Variants in PM20D2 observed in about 807,000 individuals in gnomAD.
PM20D2 encodes the protein xaa-Arg dipeptidase.
A neutral mutation model predicts 42.9 loss-of-function variants in PM20D2; 33 were observed. That is an observed-to-expected ratio of 0.77 (90% CI 0.58 to 1.03). The LOEUF is 1.03. PM20D2 is among the 50% of genes least tolerant of loss of function. The probability of loss-of-function intolerance (pLI) is 0.00; values close to 1 mark genes in which losing one functional copy is unlikely to be tolerated. For synonymous variants in PM20D2, 250 were observed against 228.2 expected (o/e 1.10, Z -0.86); for missense variants, 548 against 557.0 (o/e 0.98, Z 0.16).
At chr6:89,101,697 CA>C in the PM20D2 span, among the ~76,000 whole-genome samples, 99,083 of 149,902 alleles carry the variant, frequency 0.66, 33,231 homozygotes, top group East Asian at 0.78. Flanking sequence ...GACTCTGTCT[CA>C]AAAAAAAATA....
chr6:89,137,999 A>G, the PM20D2 span, among the ~76,000 whole-genome samples: 236 of 151,448 alleles, frequency 1.6e-3, 1 homozygote, highest in African/African-American at 5.4e-3. Flanking sequence ...CTGTTCTACA[A>G]TTAATTTTGT....
the PM20D2 span, among the ~76,000 whole-genome samples, chr6:89,110,672 G>A: frequency 6.6e-6 from 1 of 152,130 alleles, no homozygotes; most frequent in Non-Finnish European, 1.5e-5. Flanking sequence ...CTGTGAATCG[G>A]CCTTAGGTTC....
chr6:89,131,536 TAAAAAATAATTA>T, the PM20D2 span, among the ~76,000 whole-genome samples: 1 of 151,676 alleles, frequency 6.6e-6, no homozygotes, highest in Non-Finnish European at 1.5e-5. Context: ...TTTTTTTAAT[TAAAAAATAATTA>T]ATTGAACCTA....
chr6:89,115,088 G>A, the PM20D2 span, among the ~76,000 whole-genome samples: 3 of 151,090 alleles, frequency 2.0e-5, no homozygotes, highest in East Asian at 2.0e-4. Flanking sequence ...GAGCCACCAC[G>A]CCCGGCCACA....
In PM20D2 at chr6:89,153,050, G is replaced by C. The variant is rs377565760; in HGVS notation, c.622G>C (p.Val208Leu). Residue 208 changes from valine to leucine, a missense_variant, in exon 3 of 7, where the codon GTG (valine) becomes CTG (leucine). Physicochemically the swap from Val to Leu is conservative, Grantham distance 32. Transcript: ENST00000275072. ...LPDMAEHDVT[V>L]KYYGKASHSA... Reference sequence around the variant, plus strand: ...TGATTTTTTATTTCCTAGTGTGACTGTGAAATACTATGGAAAAGCATCTCA... The same window carrying C: ...TGATTTTTTATTTCCTAGTGTGACTCTGAAATACTATGGAAAAGCATCTCA... 2.5e-6 allele frequency: 4 copies of C among 1,595,194 alleles called. No individual in the cohort carries two copies. Among genetic ancestry groups the C allele is most frequent in the Non-Finnish European group, 3.4e-6 (4 of 1,169,730 alleles).
the PM20D2 span, among the ~76,000 whole-genome samples, chr6:89,104,379 G>A: frequency 8.6e-5 from 13 of 151,840 alleles, no homozygotes; most frequent in Non-Finnish European, 1.5e-5. Context: ...TGGGATTACA[G>A]GTGCGTGGCT....
At chr6:89,117,041 G>T in the PM20D2 span, among the ~76,000 whole-genome samples, 1 of 151,622 alleles carries the variant, frequency 6.6e-6, no homozygotes. Flanking sequence ...CTCTCCCCCC[G>T]CCCCCAATTT....
the PM20D2 span, among the ~76,000 whole-genome samples, chr6:89,120,603 GC>G: frequency 6.6e-6 from 1 of 152,110 alleles, no homozygotes; most frequent in Non-Finnish European, 1.5e-5. Context: ...GGTGACTCAT[GC>G]CTGTATCCTG....
the PM20D2 span, among the ~76,000 whole-genome samples, chr6:89,137,764 C>G: frequency 6.6e-6 from 1 of 152,226 alleles, no homozygotes; most frequent in South Asian, 2.1e-4. Flanking sequence ...CAGCTGCATA[C>G]TGTTTCCTTA....
the PM20D2 span, chr6:89,107,079 T>C: frequency 7.8e-7 from 1 of 1,283,552 alleles, no homozygotes; most frequent in African/African-American, 1.5e-5. Flanking sequence ...TCTCATAACA[T>C]ATGCTACTGA....
intron 5 of PM20D2, among the ~76,000 whole-genome samples, chr6:89,160,411 G>A (rs964782280): frequency 1.8e-4 from 27 of 152,170 alleles, no homozygotes; most frequent in African/African-American, 6.5e-4. Context: ...GATTGTGTTT[G>A]GAACGTAGTA....
chr6:89,116,664 A>G, the PM20D2 span, among the ~76,000 whole-genome samples: 1 of 151,770 alleles, frequency 6.6e-6, no homozygotes, highest in Non-Finnish European at 1.5e-5. Flanking sequence ...AATCCCATCT[A>G]CTTTGGATGC....
At chr6:89,099,417 T>TATATATGTGTGTATATATACACAC in the PM20D2 span, among the ~76,000 whole-genome samples, 292 of 131,714 alleles carry the variant, frequency 2.2e-3, 2 homozygotes, top group African/African-American at 7.7e-3. Flanking sequence ...TATATATACA[T>TATATATGTGTGTATATATACACAC]ATATATATGT....
the PM20D2 span, chr6:89,117,994 C>G: frequency 2.4e-6 from 3 of 1,241,858 alleles, no homozygotes; most frequent in Non-Finnish European, 3.3e-6. Context: ...CCGGCGCGAC[C>G]CCCACCCCTC....
At chr6:89,104,718 T>C in the PM20D2 span, among the ~76,000 whole-genome samples, 1 of 152,146 alleles carries the variant, frequency 6.6e-6, no homozygotes, top group African/African-American at 2.4e-5. Flanking sequence ...TGTTTGTACA[T>C]TAAGCAAAAT....
At chr6:89,095,707 C>T in the PM20D2 span, among the ~76,000 whole-genome samples, 3,187 of 152,142 alleles carry the variant, frequency 0.021, 62 homozygotes, top group Non-Finnish European at 0.031. Context: ...AAATTAAATC[C>T]GAGGCTCCAA....
chr6:89,142,519 G>C (rs995547018), upstream of PM20D2, among the ~76,000 whole-genome samples: 1 of 152,096 alleles, frequency 6.6e-6, no homozygotes, highest in African/African-American at 2.4e-5. Flanking sequence ...AAACGATGTA[G>C]GCTGGATTCA....
the PM20D2 span, among the ~76,000 whole-genome samples, chr6:89,121,726 C>T: frequency 6.6e-6 from 1 of 152,076 alleles, no homozygotes; most frequent in South Asian, 2.1e-4. Context: ...GACAACTGTT[C>T]CCATAACAAA....
the PM20D2 span, among the ~76,000 whole-genome samples, chr6:89,120,488 T>G: frequency 6.6e-4 from 101 of 152,234 alleles, no homozygotes; most frequent in African/African-American, 2.3e-3. Context: ...ACCTGGTGGG[T>G]AGTCACAATT....
Sources: allele counts gnomAD v4.1 joint callset (sites outside exome capture counted in the v4.1 genomes callset), GRCh38; gene constraint gnomAD v4.1.1; transcripts MANE v1.5; gene names NCBI Gene and HGNC (gene_info 2026-07-23, HGNC 2026-07-21).